WDPCP: variants seen among roughly 807,000 people sequenced by gnomAD.
WDPCP encodes WD repeat containing planar cell polarity effector, also known as WD repeat-containing and planar cell polarity effector protein fritz homolog.
WDPCP carries 71 observed loss-of-function variants against 93.1 expected under a neutral mutation model. The observed-to-expected ratio is 0.76, with a 90% CI of 0.63 to 0.93. The LOEUF is 0.93. Among genes scored for constraint, WDPCP ranks in the 40% least tolerant of loss-of-function variants. The probability of loss-of-function intolerance (pLI) is 0.00; values close to 1 mark genes in which losing one functional copy is unlikely to be tolerated. For missense variants in WDPCP, 844 were observed against 887.4 expected, an observed-to-expected ratio of 0.95 and a Z score of 0.62; for synonymous variants, 315 against 315.0, an observed-to-expected ratio of 1.00 and a Z score of 0.00.
chr2:63,534,296 T>C lies in WDPCP; in HGVS notation c.76-41356A>G, dbSNP rs531177228. Among the ~76,000 whole-genome samples, 13 of 152,336 alleles carry C rather than the reference T, an allele frequency of 8.5e-5. No individual in the cohort carries two copies. In the East Asian group the frequency reaches 1.3e-3, roughly 16 times the overall value. On this transcript the variant is annotated intron_variant, in intron 1 of 17. Transcript: ENST00000272321. ...TACCAGAGGTACAAAGAGGAGCCGGTACCATTCCTTCTGAAACTATTCCAA... is the reference window on the plus strand; with the variant it reads ...TACCAGAGGTACAAAGAGGAGCCGGCACCATTCCTTCTGAAACTATTCCAA...
At chr2:63,836,110 C>A in the WDPCP span, among the ~76,000 whole-genome samples, 1 of 152,230 alleles carries the variant, frequency 6.6e-6, no homozygotes, top group Non-Finnish European at 1.5e-5. Context: ...CAGCTTTGGC[C>A]TCCCAAAGTG....
intron 13 of WDPCP, among the ~76,000 whole-genome samples, chr2:63,307,048 G>A (rs561540231): frequency 2.7e-4 from 41 of 151,946 alleles, no homozygotes; most frequent in Non-Finnish European, 3.4e-4. Context: ...GCAAAGTCTC[G>A]GGATACAAAA....
chr2:63,423,758 A>T (rs1277384676), intron 9 of WDPCP, among the ~76,000 whole-genome samples: 1 of 152,240 alleles, frequency 6.6e-6, no homozygotes, highest in Non-Finnish European at 1.5e-5. Context: ...CAAATGAATT[A>T]GGTGACAAAG....
chr2:63,595,278 ATACC>A (rs1462449338), intron 3 of WDPCP: 1 of 684,784 alleles, frequency 1.5e-6, no homozygotes, highest in Non-Finnish European at 2.7e-6. Context: ...ATAGTGCTAG[ATACC>A]TGACCTCCTA....
At chr2:63,536,905 A>G (rs1704324439) in intron 1 of WDPCP, among the ~76,000 whole-genome samples, 1 of 151,144 alleles carries the variant, frequency 6.6e-6, no homozygotes, top group African/African-American at 2.4e-5. Flanking sequence ...AGCTGGGATT[A>G]CAGGCATGCA....
At chr2:63,295,070 G>T (rs1684741879) in intron 13 of WDPCP, among the ~76,000 whole-genome samples, 2 of 152,058 alleles carry the variant, frequency 1.3e-5, no homozygotes, top group Admixed American at 6.6e-5. Context: ...AATTAACCAG[G>T]TGTAAATCCA....
intron 1 of WDPCP, among the ~76,000 whole-genome samples, chr2:63,816,346 A>AC (rs1476177207): frequency 1.3e-5 from 2 of 152,122 alleles, no homozygotes; most frequent in Non-Finnish European, 2.9e-5. Context: ...TTAAATAGTG[A>AC]CCCCCTAAAA....
chr2:63,206,609 T>A (rs1676355724), intron 14 of WDPCP, among the ~76,000 whole-genome samples: 1 of 152,166 alleles, frequency 6.6e-6, no homozygotes, highest in South Asian at 2.1e-4. Context: ...TGTGCCACCA[T>A]GCCTGGCTAA....
chr2:63,560,263 C>A (rs1398243093), intron 1 of WDPCP, among the ~76,000 whole-genome samples: 1 of 151,170 alleles, frequency 6.6e-6, no homozygotes, highest in Non-Finnish European at 1.5e-5. Flanking sequence ...CATATGGAAC[C>A]AAAAAAAAGT....
intron 2 of WDPCP, among the ~76,000 whole-genome samples, chr2:63,491,545 T>C (rs1049400142): frequency 6.6e-6 from 1 of 152,178 alleles, no homozygotes; most frequent in Non-Finnish European, 1.5e-5. Flanking sequence ...TACAAATAGG[T>C]ATGACATTCT....
chr2:63,350,456 T>C (rs1689514277), intron 12 of WDPCP, among the ~76,000 whole-genome samples: 1 of 138,490 alleles, frequency 7.2e-6, no homozygotes, highest in African/African-American at 2.7e-5. Flanking sequence ...AAATAGGAAA[T>C]AGAGAAAATC....
chr2:63,176,107 A>T (rs1045939662), intron 14 of WDPCP, among the ~76,000 whole-genome samples: 1 of 152,170 alleles, frequency 6.6e-6, no homozygotes, highest in African/African-American at 2.4e-5. Flanking sequence ...CTGTTTTTTT[A>T]AAACTAGTCA....
intron 2 of WDPCP, among the ~76,000 whole-genome samples, chr2:63,691,194 T>C (rs1192296362): frequency 6.6e-6 from 1 of 152,198 alleles, no homozygotes; most frequent in Non-Finnish European, 1.5e-5. Flanking sequence ...GATGGTTGAC[T>C]CCATAGTTTG....
At chr2:63,651,124 AC>A (rs1310489849) in intron 2 of WDPCP, among the ~76,000 whole-genome samples, 2 of 152,178 alleles carry the variant, frequency 1.3e-5, no homozygotes, top group Non-Finnish European at 2.9e-5. Context: ...TTGCTTTCCG[AC>A]CGTGTAGAGC....
intron 14 of WDPCP, among the ~76,000 whole-genome samples, chr2:63,197,074 C>T (rs1467647792): frequency 2.0e-5 from 3 of 151,932 alleles, no homozygotes; most frequent in Admixed American, 2.0e-4. Flanking sequence ...CCAAGTATGC[C>T]TACCTCTCTC....
intron 1 of WDPCP, among the ~76,000 whole-genome samples, chr2:63,512,461 A>G (rs1702294111): frequency 6.6e-6 from 1 of 152,244 alleles, no homozygotes; most frequent in African/African-American, 2.4e-5. Context: ...TTGCAGCACT[A>G]TTCACAATAA....
chr2:63,481,877 CAA>C (rs1700285114), intron 6 of WDPCP, among the ~76,000 whole-genome samples: 2 of 150,302 alleles, frequency 1.3e-5, no homozygotes, highest in Admixed American at 1.3e-4. Flanking sequence ...CCTGTTCCCC[CAA>C]AAACCTATGG....
upstream of WDPCP, among the ~76,000 whole-genome samples, chr2:63,829,068 A>G (rs1331889252): frequency 6.6e-6 from 1 of 152,184 alleles, no homozygotes; most frequent in Non-Finnish European, 1.5e-5. Context: ...CTCAAACATT[A>G]TAGATGAGCA....
rs972774628 is a variant in WDPCP, at chr2:63,722,817, A to G, written n.309-71979T>C. The stretch of plus-strand genomic sequence containing the variant: ...AGCTCATTGAGAACGGGCCAGGATG[A>G]CAATGGCGGCTTTGTGGAATAGAAA... On this transcript the variant is annotated intron_variant and non_coding_transcript_variant, in intron 2 of 4. Transcript: ENST00000467687. 3.3e-3 allele frequency among the ~76,000 whole-genome samples: 509 copies of G among 152,024 alleles called. 3 individuals are homozygous for G. Among genetic ancestry groups the G allele is most frequent in the African/African-American group, 0.011 (473 of 41,376 alleles).
Sources: allele counts gnomAD v4.1 joint callset (sites outside exome capture counted in the v4.1 genomes callset), GRCh38; gene constraint gnomAD v4.1.1; transcripts MANE v1.5; gene names NCBI Gene and HGNC (gene_info 2026-07-23, HGNC 2026-07-21).